Variants in DGKB observed in about 807,000 individuals in gnomAD.
DGKB encodes 90 kDa diacylglycerol kinase.
DGKB carries 67 observed loss-of-function variants against 114.3 expected under a neutral mutation model. The ratio of observed to expected loss-of-function variants is 0.59; its 90% CI spans 0.48 to 0.72. DGKB has a LOEUF of 0.72. Ranked by LOEUF, DGKB falls within the 30% of genes least tolerant of loss-of-function variation. The pLI is 0.00. For synonymous variants in DGKB, 398 were observed against 323.1 expected, an observed-to-expected ratio of 1.23 and a Z score of -2.49; for missense variants, 907 against 975.2, an observed-to-expected ratio of 0.93 and a Z score of 0.93.
chr7:14,422,677 T>C lies in DGKB; in HGVS notation c.1835+55484A>G, dbSNP rs369924440. 8.5e-5 allele frequency among the ~76,000 whole-genome samples: 13 copies of C among 152,074 alleles called. No homozygotes were observed. The East Asian group carries it at 1.5e-3, about 18-fold the overall frequency. ...TTTGTTTTAGCAGTTAGCTAAAAAG[T>C]TTCCCAATTAAAACATTTTAGTACT... On this transcript the variant is annotated intron_variant, in intron 21 of 25. Coordinates refer to ENST00000402815, the MANE Select transcript of DGKB (RefSeq NM_001350709.2).
In DGKB at chr7:14,643,711, G is replaced by A. The variant is rs114998022; in HGVS notation, c.1135-13443C>T. Reference sequence around the variant, plus strand: ...TTGAGAGCCACCTGTCTTATCTGCCGTCACCAACAGTGACCTCTCCCCCTC... The same window carrying A: ...TTGAGAGCCACCTGTCTTATCTGCCATCACCAACAGTGACCTCTCCCCCTC... On this transcript the variant is annotated intron_variant, in intron 13 of 25. Coordinates refer to ENST00000402815, the MANE Select transcript of DGKB (RefSeq NM_001350709.2). Among the ~76,000 whole-genome samples the A allele has an allele frequency of 3.8e-3, 583 of 152,218 alleles. 1 individual carries two copies. The highest frequency in any genetic ancestry group is 0.014 in the Middle Eastern group (4 of 294).
At chr7:14,575,971 C>T (rs1799060844) in intron 19 of DGKB, among the ~76,000 whole-genome samples, 1 of 152,138 alleles carries the variant, frequency 6.6e-6, no homozygotes, top group Non-Finnish European at 1.5e-5. Flanking sequence ...TGAAAGCCAC[C>T]AGAAACTAGA....
At chr7:14,780,959 A>C (rs1838997093) in intron 2 of DGKB, among the ~76,000 whole-genome samples, 1 of 151,980 alleles carries the variant, frequency 6.6e-6, no homozygotes, top group African/African-American at 2.4e-5. Flanking sequence ...CCTTGTTGTC[A>C]TGTGTTTGTT....
intron 25 of DGKB, among the ~76,000 whole-genome samples, chr7:14,170,186 A>T (rs1048553464): frequency 6.8e-6 from 1 of 146,864 alleles, no homozygotes. Flanking sequence ...AGAAAGAAAG[A>T]AAGAAAGAAA....
intron 23 of DGKB, among the ~76,000 whole-genome samples, chr7:14,333,014 C>T (rs187274133): frequency 3.9e-5 from 6 of 152,116 alleles, no homozygotes; most frequent in Admixed American, 6.5e-5. Context: ...TAATTACTTT[C>T]GCTCAGTGGT....
intron 23 of DGKB, among the ~76,000 whole-genome samples, chr7:14,204,455 A>AGCAAGAAAATGATT (rs1248485934): frequency 6.6e-6 from 1 of 152,000 alleles, no homozygotes; most frequent in Admixed American, 6.6e-5. Context: ...GATTAGCCTG[A>AGCAAGAAAATGATT]AGTCTCTGGC....
At chr7:14,483,229 T>C (rs544995119) in intron 20 of DGKB, among the ~76,000 whole-genome samples, 1 of 152,172 alleles carries the variant, frequency 6.6e-6, no homozygotes, top group Non-Finnish European at 1.5e-5. Flanking sequence ...GTGACCCCTC[T>C]CTACATTGCA....
chr7:14,860,918 T>TATATTA (rs1850886199), intron 1 of DGKB, among the ~76,000 whole-genome samples: 1 of 152,004 alleles, frequency 6.6e-6, no homozygotes, highest in Admixed American at 6.6e-5. Context: ...TAATAGATTT[T>TATATTA]TCTGAGAATT....
chr7:14,624,083 C>T (rs1808132798), intron 14 of DGKB, among the ~76,000 whole-genome samples: 1 of 152,048 alleles, frequency 6.6e-6, no homozygotes, highest in African/African-American at 2.4e-5. Flanking sequence ...GGGTACTCAT[C>T]AACATTGTTT....
At chr7:14,696,633 A>G (rs1823985225) in intron 8 of DGKB, among the ~76,000 whole-genome samples, 1 of 151,176 alleles carries the variant, frequency 6.6e-6, no homozygotes, top group Admixed American at 6.6e-5. Flanking sequence ...AAAGGTGAGT[A>G]GGAGAGGAGA....
chr7:14,649,591 C>T (rs1207034186), intron 13 of DGKB, among the ~76,000 whole-genome samples: 6 of 151,790 alleles, frequency 4.0e-5, no homozygotes, highest in Admixed American at 6.6e-5. Flanking sequence ...CATCAACTAA[C>T]GAGCAAAATC....
intron 19 of DGKB, 77 bp downstream of exon 19, chr7:14,580,782 TTTC>T: frequency 1.0e-6 from 1 of 976,660 alleles, no homozygotes; most frequent in Non-Finnish European, 1.5e-6. Flanking sequence ...ATCGTTTTTG[TTTC>T]TTTTCTTTTC....
chr7:14,486,822 T>A (rs1233129642), intron 20 of DGKB, among the ~76,000 whole-genome samples: 1 of 152,158 alleles, frequency 6.6e-6, no homozygotes, highest in Non-Finnish European at 1.5e-5. Flanking sequence ...GGTAAAGTAT[T>A]GACAATTATT....
chr7:14,166,097 C>T (rs1341594612), intron 25 of DGKB, among the ~76,000 whole-genome samples: 1 of 152,178 alleles, frequency 6.6e-6, no homozygotes, highest in Non-Finnish European at 1.5e-5. Flanking sequence ...CTAAAAGTGT[C>T]TTATACTAAC....
chr7:14,651,234 T>C (rs1814414720), intron 13 of DGKB, among the ~76,000 whole-genome samples: 1 of 152,146 alleles, frequency 6.6e-6, no homozygotes, highest in African/African-American at 2.4e-5. Flanking sequence ...TGAACATTGA[T>C]GCAAAAAATC....
chr7:14,398,718 C>A (rs1430049087), intron 21 of DGKB, among the ~76,000 whole-genome samples: 2 of 151,422 alleles, frequency 1.3e-5, no homozygotes, highest in Non-Finnish European at 2.9e-5. Flanking sequence ...TCAGAGTGAA[C>A]AGTTGTTGGC....
chr7:14,405,300 G>T (rs1823767420), intron 21 of DGKB, among the ~76,000 whole-genome samples: 1 of 151,864 alleles, frequency 6.6e-6, no homozygotes, highest in Admixed American at 6.6e-5. Flanking sequence ...GGAATCACAA[G>T]AACCTGCTTT....
At chr7:14,705,816 C>T (rs189777830) in intron 6 of DGKB, among the ~76,000 whole-genome samples, 139 of 151,722 alleles carry the variant, frequency 9.2e-4, no homozygotes, top group Admixed American at 1.8e-3. Context: ...CTGAAGGAAG[C>T]GCTAAATATG....
intron 20 of DGKB, among the ~76,000 whole-genome samples, chr7:14,517,651 AAAC>A (rs1280641923): frequency 6.6e-6 from 1 of 152,052 alleles, no homozygotes; most frequent in Non-Finnish European, 1.5e-5. Flanking sequence ...AGTGGGCAAA[AAAC>A]ATGAATGGAC....
Sources: gnomAD v4.1 joint callset for allele counts (sites outside exome capture counted in the v4.1 genomes callset) on GRCh38, gnomAD v4.1.1 for gene constraint, MANE v1.5 for transcripts, NCBI Gene and HGNC (gene_info 2026-07-23, HGNC 2026-07-21) for gene names.